SRFBP1: variants seen among roughly 807,000 people sequenced by gnomAD.
SRFBP1 encodes the protein serum response factor-binding protein 1.
In SRFBP1, 47 loss-of-function variants were observed where a neutral mutation model predicts 45.5. That is an observed-to-expected ratio of 1.03 (90% confidence interval 0.82 to 1.32). The LOEUF (loss-of-function observed/expected upper bound fraction) is 1.32. Among genes scored for constraint, SRFBP1 ranks in the 40% most tolerant of loss-of-function variants. SRFBP1 has a pLI of 0.00. For synonymous variants in SRFBP1, 203 were observed against 166.3 expected (o/e 1.22, Z -1.70); for missense variants, 621 against 484.6 (o/e 1.28, Z -2.64).
chr5:121,997,831 C>T (rs1270215229), intron 4 of SRFBP1, among the ~76,000 whole-genome samples: 2 of 151,218 alleles, frequency 1.3e-5, no homozygotes, highest in African/African-American at 4.9e-5. Context: ...AAAAAACAAA[C>T]AACCCCATCA....
At chr5:122,037,561 T>A (rs1753713089) in intron 2 of SRFBP1, among the ~76,000 whole-genome samples, 1 of 152,234 alleles carries the variant, frequency 6.6e-6, no homozygotes, top group Non-Finnish European at 1.5e-5. Flanking sequence ...TGAAGAGCAG[T>A]GGCGTAATCA....
chr5:122,053,571 T>A (rs2152578601), intron 2 of SRFBP1, among the ~76,000 whole-genome samples: 1 of 151,550 alleles, frequency 6.6e-6, no homozygotes, highest in South Asian at 2.1e-4. Context: ...CCCTGACATG[T>A]GGGTGCTTCC....
rs769645177 is a variant in SRFBP1 at position 121,974,254 on chromosome 5, T to A, written c.95T>A (p.Val32Asp). 2 of 1,611,568 alleles carry A rather than the reference T, an allele frequency of 1.2e-6. No homozygotes were observed. Among genetic ancestry groups the A allele is most frequent in the South Asian group, 2.2e-5 (2 of 90,972 alleles). The change falls in exon 2 of 8, where the codon GTC (valine) becomes GAC (aspartate). Residue 32 changes from valine to aspartate, a missense_variant. Physicochemically the swap from Val to Asp is radical, Grantham distance 152. Transcript: ENST00000339397. ...CGAGTTTTAGTTATCCGAAAACTTG[T>A]CAGGAGTGTTGGCCGACTGAAGTCA... ...RIRVLVIRKL[V>D]RSVGRLKSKK... is the part of the protein sequence containing the mutation.
intron 3 of SRFBP1, among the ~76,000 whole-genome samples, chr5:121,992,549 C>A (rs893516168): frequency 6.6e-6 from 1 of 152,048 alleles, no homozygotes; most frequent in Non-Finnish European, 1.5e-5. Context: ...TCAGCAAAGT[C>A]CCTTCTGCCA....
At position 122,060,283 on chromosome 5, in the gene SRFBP1, A is replaced by G. The variant is rs114328647; in HGVS notation, n.312-15032A>G. On this transcript the variant is annotated intron_variant and non_coding_transcript_variant, in intron 2 of 2. Transcript: ENST00000504881. ...AAATATTTTGAGTTGGATTGTGTAG[A>G]TGTTGATTTTATTAATCTTTTTGCT... Among the ~76,000 whole-genome samples, 483 of 152,098 alleles carry G rather than the reference A, an allele frequency of 3.2e-3. 5 individuals carry two copies. The highest frequency in any genetic ancestry group is 0.011 in the African/African-American group (464 of 41,512).
chr5:122,011,906 C>G (rs1753102193), intron 4 of SRFBP1, among the ~76,000 whole-genome samples: 1 of 152,106 alleles, frequency 6.6e-6, no homozygotes, highest in Admixed American at 6.5e-5. Flanking sequence ...GGGAATAAAC[C>G]TGAGCCCATC....
At chr5:122,008,674 GTAGA>G (rs1191324309) in intron 4 of SRFBP1, among the ~76,000 whole-genome samples, 2 of 151,950 alleles carry the variant, frequency 1.3e-5, no homozygotes, top group Non-Finnish European at 2.9e-5. Context: ...TTTTTTGTGT[GTAGA>G]TAGTCATTCA....
chr5:121,999,661 G>A (rs974510160), intron 4 of SRFBP1, among the ~76,000 whole-genome samples: 2 of 151,926 alleles, frequency 1.3e-5, no homozygotes, highest in Non-Finnish European at 1.5e-5. Flanking sequence ...TGTTCTTGGG[G>A]CGCTGATCCT....
Position 121,989,422 on chromosome 5 carries a change from C to T in SRFBP1, c.199-5177C>T, listed in dbSNP as rs563060052. On this transcript the variant is annotated intron_variant, in intron 3 of 7. Coordinates refer to ENST00000339397, the MANE Select transcript of SRFBP1 (RefSeq NM_152546.3). ...TGTCGCTGTCTGATTAATCATTTTA[C>T]TTAGCATTAACAATATACACTAGGA... 3.9e-5 allele frequency among the ~76,000 whole-genome samples: 6 copies of T among 152,146 alleles called. No individual in the cohort carries two copies. The South Asian group carries it at 1.2e-3, about 32-fold the overall frequency.
intron 3 of SRFBP1, among the ~76,000 whole-genome samples, chr5:121,994,059 T>C (rs1037730272): frequency 1.3e-5 from 2 of 152,058 alleles, no homozygotes; most frequent in African/African-American, 4.8e-5. Context: ...GATCTTGTAA[T>C]TTTATTTCCC....
At position 121,976,739 on chromosome 5, in the gene SRFBP1, G is replaced by GTA. The variant is rs764405171; in HGVS notation, c.198+1365_198+1366dup. On this transcript the variant is annotated intron_variant, in intron 3 of 7. Coordinates refer to ENST00000339397, the MANE Select transcript of SRFBP1 (RefSeq NM_152546.3). ...GAATGCAGTGTGTGTGTGTATGCAT[G>GTA]TATATATATATATAATATATATATG... Among the ~76,000 whole-genome samples, 240 of 148,116 alleles carry GTA rather than the reference G, an allele frequency of 1.6e-3. 1 individual carries two copies. Among genetic ancestry groups the GTA allele is most frequent in the Middle Eastern group, 3.5e-3 (1 of 284 alleles).
In SRFBP1 at chr5:121,998,448, A is replaced by G. The variant is rs556523880; in HGVS notation, c.270+3778A>G. On this transcript the variant is annotated intron_variant, in intron 4 of 7. Transcript: ENST00000339397. ...CCAAACACCGCATATTCTCACTCAT[A>G]GGTGGGAATTGAACAATGAGATCAC... Among the ~76,000 whole-genome samples, 332 of 139,666 alleles carry G rather than the reference A, an allele frequency of 2.4e-3. 3 individuals carry two copies. The highest frequency in any genetic ancestry group is 0.016 in the South Asian group (67 of 4,084). 91.6% of individuals were successfully genotyped at this position (139,666 alleles called of 152,430 possible). A position where few individuals can be genotyped will look rare whatever the true frequency, so the allele number is the denominator to read the frequency against.
chr5:122,013,978 A>C (rs530461258), intron 4 of SRFBP1, among the ~76,000 whole-genome samples: 37 of 149,136 alleles, frequency 2.5e-4, no homozygotes, highest in African/African-American at 9.3e-4. Flanking sequence ...GCTCTGTAGC[A>C]CAGCAAGGTG....
At chr5:122,024,436 G>C (rs1241167928) in intron 7 of SRFBP1, among the ~76,000 whole-genome samples, 1 of 152,144 alleles carries the variant, frequency 6.6e-6, no homozygotes, top group African/African-American at 2.4e-5. Flanking sequence ...TCAGTGGTTT[G>C]TCATCTATCA....
chr5:121,975,195 G>A (rs1164338423), intron 2 of SRFBP1, 120 bp from the exon 3 acceptor site: 13 of 990,672 alleles, frequency 1.3e-5, no homozygotes, highest in African/African-American at 1.6e-5. Flanking sequence ...GGATAGTGGC[G>A]TGTTTGTTAT....
intron 3 of SRFBP1, among the ~76,000 whole-genome samples, chr5:121,977,079 CTTGTTTT>C (rs1257489736): frequency 6.6e-6 from 1 of 151,876 alleles, no homozygotes; most frequent in East Asian, 1.9e-4. Context: ...TTTTCTGTTT[CTTGTTTT>C]GAATCTCATC....
At chr5:122,016,955 GC>G (rs1190256359) in intron 4 of SRFBP1, among the ~76,000 whole-genome samples, 2 of 152,166 alleles carry the variant, frequency 1.3e-5, no homozygotes, top group Non-Finnish European at 2.9e-5. Flanking sequence ...AATTGGCCAG[GC>G]GCGGTGGCTC....
intron 2 of SRFBP1, among the ~76,000 whole-genome samples, chr5:122,051,900 C>T (rs535573999): frequency 1.4e-4 from 22 of 152,114 alleles, no homozygotes; most frequent in African/African-American, 5.1e-4. Flanking sequence ...CAGTCCTTTC[C>T]GTATCGAGCA....
intron 4 of SRFBP1, among the ~76,000 whole-genome samples, chr5:122,003,174 C>G (rs192514407): frequency 6.6e-6 from 1 of 151,996 alleles, no homozygotes; most frequent in East Asian, 1.9e-4. Context: ...GAAACCCTAT[C>G]TCTACAAAAA....
Sources: allele counts gnomAD v4.1 joint callset (sites outside exome capture counted in the v4.1 genomes callset), GRCh38; gene constraint gnomAD v4.1.1; transcripts MANE v1.5; gene names NCBI Gene and HGNC (gene_info 2026-07-23, HGNC 2026-07-21).